Variants in RAPGEF5 observed in about 807,000 individuals in gnomAD.
RAPGEF5 encodes the protein M-Ras-regulated GEF.
In RAPGEF5, 65 loss-of-function variants were observed where a neutral mutation model predicts 125.2. That is an observed-to-expected ratio of 0.52 (90% CI 0.43 to 0.64). RAPGEF5 has a LOEUF of 0.64. Ranked by LOEUF, RAPGEF5 falls within the 30% of genes least tolerant of loss-of-function variation. The probability of loss-of-function intolerance (pLI) is 0.00; values close to 1 mark genes in which losing one functional copy is unlikely to be tolerated. For synonymous variants in RAPGEF5, 391 were observed against 385.9 expected, an observed-to-expected ratio of 1.01 and a Z score of -0.16; for missense variants, 958 against 1,048.1, an observed-to-expected ratio of 0.91 and a Z score of 1.19.
intron 9 of RAPGEF5, among the ~76,000 whole-genome samples, chr7:22,208,810 A>G (rs1785449845): frequency 6.6e-6 from 1 of 152,222 alleles, no homozygotes; most frequent in African/African-American, 2.4e-5. Flanking sequence ...CTCTTTTGCT[A>G]CGTTCTTCTC....
At chr7:22,137,265 A>C (rs558539601) in intron 21 of RAPGEF5, among the ~76,000 whole-genome samples, 59 of 152,330 alleles carry the variant, frequency 3.9e-4, no homozygotes, top group African/African-American at 1.4e-3. Context: ...ATTTAATAAA[A>C]ACTTAGATTT....
At chr7:22,151,488 G>A (rs1162851094) in intron 17 of RAPGEF5, among the ~76,000 whole-genome samples, 2 of 127,462 alleles carry the variant, frequency 1.6e-5, no homozygotes, top group East Asian at 2.4e-4. Context: ...TTGAGACAGA[G>A]TTGCACTCTG....
At chr7:22,231,002 C>T (rs1034067392) in intron 7 of RAPGEF5, 83 bp from the exon 8 acceptor site, 10 of 1,309,512 alleles carry the variant, frequency 7.6e-6, no homozygotes, top group Middle Eastern at 1.9e-4. Flanking sequence ...CGCAATTTAG[C>T]GGGAAAAAAT....
chr7:22,261,360 G>A (rs1490918903), intron 7 of RAPGEF5, among the ~76,000 whole-genome samples: 2 of 152,070 alleles, frequency 1.3e-5, no homozygotes, highest in African/African-American at 4.8e-5. Context: ...AGGAAGCCAA[G>A]GTGAGAGGAT....
intron 2 of RAPGEF5, among the ~76,000 whole-genome samples, chr7:22,317,644 T>C (rs17146676): frequency 0.22 from 33,691 of 152,142 alleles, 3,804 homozygotes; most frequent in Admixed American, 0.24. Context: ...ATATATGCTA[T>C]TTGTAAAATA....
At chr7:22,155,558 G>C (rs1433176864) in intron 16 of RAPGEF5, among the ~76,000 whole-genome samples, 1 of 152,108 alleles carries the variant, frequency 6.6e-6, no homozygotes, top group Non-Finnish European at 1.5e-5. Context: ...ATAAACCCAG[G>C]AATGTTTTCA....
intron 6 of RAPGEF5, among the ~76,000 whole-genome samples, chr7:22,288,185 T>C (rs1782842260): frequency 6.6e-6 from 1 of 152,112 alleles, no homozygotes; most frequent in African/African-American, 2.4e-5. Context: ...TTATTTCCAT[T>C]TCCTCTCACT....
intron 21 of RAPGEF5, 28 bp downstream of exon 21, chr7:22,139,997 C>A (rs770639661): frequency 6.6e-7 from 1 of 1,513,296 alleles, no homozygotes; most frequent in Non-Finnish European, 9.0e-7. Flanking sequence ...ATTTTATGTG[C>A]CCCTCACCAT....
At chr7:22,293,545 G>C (rs1167974093) in intron 5 of RAPGEF5, among the ~76,000 whole-genome samples, 1 of 152,110 alleles carries the variant, frequency 6.6e-6, no homozygotes, top group Non-Finnish European at 1.5e-5. Flanking sequence ...CTTGTACCCA[G>C]ATGCCTAAAG....
chr7:22,136,808 T>C (rs746313605), intron 22 of RAPGEF5, 125 bp downstream of exon 22: 99 of 787,136 alleles, frequency 1.3e-4, no homozygotes, highest in Middle Eastern at 7.1e-4. Flanking sequence ...CAGTTTCATA[T>C]ACAAGTAAAC....
chr7:22,143,055 G>C (rs6954430), intron 20 of RAPGEF5, among the ~76,000 whole-genome samples: 32,516 of 152,054 alleles, frequency 0.21, 3,777 homozygotes, highest in East Asian at 0.34. Flanking sequence ...AGTGGGAACT[G>C]AGCTGGGTGG....
intron 11 of RAPGEF5, among the ~76,000 whole-genome samples, chr7:22,182,451 C>T (rs183927639): frequency 6.6e-6 from 1 of 152,248 alleles, no homozygotes; most frequent in Admixed American, 6.5e-5. Context: ...TCTCTTGTTC[C>T]CTTCAATTTG....
intron 12 of RAPGEF5, among the ~76,000 whole-genome samples, 198 bp from the exon 13 acceptor site, chr7:22,162,739 G>A (rs530850274): frequency 2.0e-5 from 3 of 152,256 alleles, no homozygotes; most frequent in South Asian, 2.1e-4. Flanking sequence ...AAGTATACTC[G>A]GTAGGCAGCC....
intron 7 of RAPGEF5, among the ~76,000 whole-genome samples, chr7:22,259,915 G>A (rs543853388): frequency 1.9e-3 from 284 of 152,228 alleles, no homozygotes; most frequent in Non-Finnish European, 3.0e-3. Context: ...GTGAAACCCC[G>A]TCTACTGAAA....
intron 7 of RAPGEF5, among the ~76,000 whole-genome samples, chr7:22,235,571 T>C (rs1786165742): frequency 6.6e-6 from 1 of 152,220 alleles, no homozygotes; most frequent in South Asian, 2.1e-4. Context: ...TTCACAAGTA[T>C]GGAAGAGAGG....
intron 1 of RAPGEF5, among the ~76,000 whole-genome samples, chr7:22,351,969 T>G (rs935208087): frequency 6.6e-6 from 1 of 152,212 alleles, no homozygotes; most frequent in African/African-American, 2.4e-5. Context: ...CTTCCCAGTT[T>G]CTCAATTTTG....
At chr7:22,229,156 C>T (rs1246600667) in intron 8 of RAPGEF5, among the ~76,000 whole-genome samples, 2 of 152,150 alleles carry the variant, frequency 1.3e-5, no homozygotes, top group East Asian at 3.9e-4. Flanking sequence ...TCTAAATGCT[C>T]TCTTCACTCC....
intron 1 of RAPGEF5, among the ~76,000 whole-genome samples, chr7:22,318,794 C>T (rs981220685): frequency 2.6e-5 from 4 of 152,222 alleles, no homozygotes; most frequent in South Asian, 4.1e-4. Flanking sequence ...TGCTGGGGTA[C>T]GCTCCTCTTT....
chr7:22,342,684 T>G (rs1382732087), intron 1 of RAPGEF5, among the ~76,000 whole-genome samples: 10 of 152,212 alleles, frequency 6.6e-5, no homozygotes, highest in Admixed American at 6.5e-4. Context: ...AAGTTCAAAG[T>G]TCCACAAATC....
Sources: allele counts gnomAD v4.1 joint callset (sites outside exome capture counted in the v4.1 genomes callset), GRCh38; gene constraint gnomAD v4.1.1; transcripts MANE v1.5; gene names NCBI Gene and HGNC (gene_info 2026-07-23, HGNC 2026-07-21).